Variants in DLGAP2 observed in about 807,000 individuals in gnomAD.
DLGAP2 encodes DLG associated protein 2.
DLGAP2 carries 26 observed loss-of-function variants against 100.3 expected under a neutral mutation model. The observed-to-expected ratio is 0.26, with a 90% CI of 0.19 to 0.36. The LOEUF (loss-of-function observed/expected upper bound fraction) is 0.36, where lower values mean the gene tolerates loss of function less well. DLGAP2 is among the 10% of genes least tolerant of loss of function. DLGAP2 has a pLI of 1.00. For missense variants in DLGAP2, 1,858 were observed against 1,453.2 expected (o/e 1.28, Z -4.53); for synonymous variants, 886 against 630.1 (o/e 1.41, Z -6.08).
chr8:888,435 T>C (rs1797964976), intron 1 of DLGAP2, among the ~76,000 whole-genome samples: 1 of 152,194 alleles, frequency 6.6e-6, no homozygotes. Flanking sequence ...TTGTGATCAT[T>C]TGGAGAAGAT....
chr8:950,029 G>A (rs922292581), intron 2 of DLGAP2, among the ~76,000 whole-genome samples: 2 of 152,180 alleles, frequency 1.3e-5, no homozygotes, highest in East Asian at 3.8e-4. Flanking sequence ...AATGTGTCCC[G>A]TCTTGCTTCT....
intron 2 of DLGAP2, among the ~76,000 whole-genome samples, chr8:963,800 A>G (rs931275354): frequency 1.9e-4 from 29 of 152,240 alleles, no homozygotes; most frequent in African/African-American, 6.5e-4. Flanking sequence ...TAAACATTAC[A>G]TAAAAGACCC....
chr8:1,220,866 T>G lies in DLGAP2; in HGVS notation c.74-37985T>G, dbSNP rs550166246. Among the ~76,000 whole-genome samples the G allele has an allele frequency of 6.6e-4, 101 of 152,016 alleles. 1 individual carries two copies. Among genetic ancestry groups the G allele is most frequent in the Admixed American group, 4.3e-3 (65 of 15,216 alleles). The stretch of plus-strand genomic sequence containing the variant: ...TTATCATTATGTAATGCCTTTTTTG[T>G]CCTTTTTGATCATTGTTGGTTTAAA... On this transcript the variant is annotated intron_variant, in intron 2 of 14. Transcript: ENST00000637795.
At chr8:1,325,162 C>T (rs1475713507) in intron 3 of DLGAP2, among the ~76,000 whole-genome samples, 1 of 152,212 alleles carries the variant, frequency 6.6e-6, no homozygotes, top group East Asian at 1.9e-4. Flanking sequence ...TTCCCCCAGT[C>T]CCCCAGAGCT....
chr8:1,033,902 AC>A (rs1802051489), intron 2 of DLGAP2, among the ~76,000 whole-genome samples: 3 of 53,860 alleles, frequency 5.6e-5, no homozygotes, highest in East Asian at 5.5e-4. Context: ...CCGCGAGTGG[AC>A]TCACACCCTC....
At chr8:1,124,007 C>T (rs145693471) in intron 2 of DLGAP2, among the ~76,000 whole-genome samples, 2 of 144,162 alleles carry the variant, frequency 1.4e-5, no homozygotes, top group Admixed American at 6.9e-5. Flanking sequence ...GAAGTGAGAG[C>T]GTGGTATTCT....
chr8:904,188 A>C (rs1798326653), intron 1 of DLGAP2, among the ~76,000 whole-genome samples: 1 of 152,212 alleles, frequency 6.6e-6, no homozygotes, highest in African/African-American at 2.4e-5. Context: ...GTGACCGGGC[A>C]CCCAGATTTC....
chr8:833,756 A>C (rs914630510), intron 1 of DLGAP2, among the ~76,000 whole-genome samples: 1 of 152,122 alleles, frequency 6.6e-6, no homozygotes, highest in Non-Finnish European at 1.5e-5. Flanking sequence ...TTTTTATTTA[A>C]ATGTATGCAT....
intron 3 of DLGAP2, among the ~76,000 whole-genome samples, chr8:1,473,465 C>T (rs185132090): frequency 6.6e-6 from 1 of 152,116 alleles, no homozygotes; most frequent in Non-Finnish European, 1.5e-5. Context: ...AAAATGGCTG[C>T]TTGCAGTTTG....
At chr8:1,589,510 C>G (rs542831799) in intron 6 of DLGAP2, among the ~76,000 whole-genome samples, 3 of 152,256 alleles carry the variant, frequency 2.0e-5, no homozygotes, top group African/African-American at 7.2e-5. Context: ...GATCACAGCT[C>G]CCTGCAGCCT....
intron 2 of DLGAP2, among the ~76,000 whole-genome samples, chr8:909,700 C>T (rs910813801): frequency 2.0e-5 from 3 of 152,128 alleles, no homozygotes; most frequent in Admixed American, 2.0e-4. Context: ...AGACCATAGG[C>T]TTTAATATTC....
At chr8:1,626,981 C>T in intron 7 of DLGAP2, 94 bp downstream of exon 7, 1 of 1,449,998 alleles carries the variant, frequency 6.9e-7, no homozygotes, top group Non-Finnish European at 9.2e-7. Flanking sequence ...TGGCGCTGCC[C>T]TCCTGGTCAG....
intron 3 of DLGAP2, among the ~76,000 whole-genome samples, chr8:1,278,112 C>T (rs1042292712): frequency 6.6e-6 from 1 of 152,176 alleles, no homozygotes; most frequent in Non-Finnish European, 1.5e-5. Flanking sequence ...ATACCTCACG[C>T]CAGGTCAGGT....
At chr8:1,299,056 A>T (rs1259372458) in intron 3 of DLGAP2, among the ~76,000 whole-genome samples, 1 of 152,272 alleles carries the variant, frequency 6.6e-6, no homozygotes, top group Non-Finnish European at 1.5e-5. Flanking sequence ...CAGTGCTGCC[A>T]GCAGAGAATG....
intron 1 of DLGAP2, among the ~76,000 whole-genome samples, chr8:789,912 A>C (rs1473706663): frequency 6.6e-6 from 1 of 152,198 alleles, no homozygotes; most frequent in Non-Finnish European, 1.5e-5. Flanking sequence ...TCAGAATCTT[A>C]GCTGCACCCC....
intron 1 of DLGAP2, among the ~76,000 whole-genome samples, chr8:807,860 A>T (rs1172575696): frequency 6.6e-6 from 1 of 152,180 alleles, no homozygotes; most frequent in Non-Finnish European, 1.5e-5. Context: ...TAAGGAAGGG[A>T]GGATGGGGAG....
chr8:1,198,462 A>G (rs1018627445), intron 2 of DLGAP2, among the ~76,000 whole-genome samples: 7 of 151,798 alleles, frequency 4.6e-5, no homozygotes, highest in Non-Finnish European at 5.9e-5. Flanking sequence ...ACCCACCTCT[A>G]TAAGTGCAGG....
intron 2 of DLGAP2, among the ~76,000 whole-genome samples, chr8:974,287 G>T (rs758094895): frequency 6.6e-6 from 1 of 152,122 alleles, no homozygotes; most frequent in African/African-American, 2.4e-5. Flanking sequence ...AATGGCTCAC[G>T]TACAGAGGGG....
intron 3 of DLGAP2, among the ~76,000 whole-genome samples, chr8:1,469,045 A>G (rs906143491): frequency 5.9e-5 from 9 of 152,158 alleles, no homozygotes; most frequent in Non-Finnish European, 8.8e-5. Context: ...GGCTGTCAAC[A>G]CATCCTTCTA....
Sources: gnomAD v4.1 joint callset for allele counts (sites outside exome capture counted in the v4.1 genomes callset) on GRCh38, gnomAD v4.1.1 for gene constraint, MANE v1.5 for transcripts, NCBI Gene and HGNC (gene_info 2026-07-23, HGNC 2026-07-21) for gene names.